Variants in ZFYVE9 observed in about 807,000 individuals in gnomAD.
ZFYVE9 encodes zinc finger FYVE domain-containing protein 9.
ZFYVE9 carries 43 observed loss-of-function variants against 126.7 expected under a neutral mutation model. That is an observed-to-expected ratio of 0.34 (90% CI 0.27 to 0.44). The LOEUF is 0.44. Among genes scored for constraint, ZFYVE9 ranks in the 20% least tolerant of loss-of-function variants. ZFYVE9 has a pLI of 1.00. For synonymous variants in ZFYVE9, 521 were observed against 597.4 expected (o/e 0.87, Z 1.87); for missense variants, 1,476 against 1,697.0 (o/e 0.87, Z 2.29).
chr1:52,294,908 A>G (rs930158029), intron 11 of ZFYVE9, among the ~76,000 whole-genome samples: 19 of 152,252 alleles, frequency 1.2e-4, no homozygotes, highest in African/African-American at 4.6e-4. Context: ...GAGGTATAGA[A>G]GAATGAACTC....
intron 1 of ZFYVE9, among the ~76,000 whole-genome samples, chr1:52,164,208 A>G (rs952866724): frequency 2.0e-5 from 3 of 149,514 alleles, no homozygotes. Context: ...ATGAGTATAT[A>G]TCTTTTTTGT....
intron 1 of ZFYVE9, among the ~76,000 whole-genome samples, chr1:52,207,667 C>T (rs1644990375): frequency 6.6e-6 from 1 of 152,170 alleles, no homozygotes; most frequent in Non-Finnish European, 1.5e-5. Context: ...AGTTGAACAT[C>T]AGGTTACTTT....
intron 1 of ZFYVE9, among the ~76,000 whole-genome samples, chr1:52,153,666 G>C (rs1644376886): frequency 1.3e-5 from 2 of 152,122 alleles, no homozygotes; most frequent in African/African-American, 4.8e-5. Context: ...CTGCTTTCTA[G>C]TCCTTGGACA....
chr1:52,320,310 T>C (rs1646227455), intron 13 of ZFYVE9, among the ~76,000 whole-genome samples: 1 of 152,112 alleles, frequency 6.6e-6, no homozygotes, highest in Non-Finnish European at 1.5e-5. Flanking sequence ...CCTCAGGTGA[T>C]CCACCTACCT....
Position 52,229,906 on chromosome 1 carries a change from C to T in ZFYVE9, c.-36-3265C>T, listed in dbSNP as rs969795181. Among the ~76,000 whole-genome samples, 5 of 149,640 alleles carry T rather than the reference C, an allele frequency of 3.3e-5. 1 individual carries two copies. The South Asian group carries it at 8.5e-4, about 25-fold the overall frequency. Reference sequence around the variant, plus strand: ...TTTTGGAGACGGAGTCTCGCTCTGTCGCCCAGGCTGGAGTGCAGTGGTGTG... The same window carrying T: ...TTTTGGAGACGGAGTCTCGCTCTGTTGCCCAGGCTGGAGTGCAGTGGTGTG... On this transcript the variant is annotated intron_variant, in intron 2 of 18. Transcript: ENST00000287727.
intron 1 of ZFYVE9, among the ~76,000 whole-genome samples, chr1:52,159,314 C>G (rs887468841): frequency 3.3e-5 from 5 of 152,154 alleles, no homozygotes; most frequent in Non-Finnish European, 7.3e-5. Flanking sequence ...TTAGCTCCTG[C>G]TTTCTTAGTC....
intron 1 of ZFYVE9, among the ~76,000 whole-genome samples, chr1:52,145,966 C>CATTCTT (rs1448624745): frequency 6.6e-6 from 1 of 151,532 alleles, no homozygotes; most frequent in Non-Finnish European, 1.5e-5. Flanking sequence ...TATAGAGCAA[C>CATTCTT]ATTCTTAGTA....
At chr1:52,149,695 A>T (rs1040036717) in intron 1 of ZFYVE9, among the ~76,000 whole-genome samples, 1 of 152,114 alleles carries the variant, frequency 6.6e-6, no homozygotes, top group African/African-American at 2.4e-5. Flanking sequence ...GGGTTTCACT[A>T]TCTTGGCCAG....
intron 2 of ZFYVE9, among the ~76,000 whole-genome samples, chr1:52,223,943 G>C (rs892976799): frequency 6.6e-6 from 1 of 152,146 alleles, no homozygotes; most frequent in Non-Finnish European, 1.5e-5. Context: ...CATTAATTCA[G>C]CCCAAGTGTA....
At chr1:52,332,098 T>C (rs1646347927) in intron 13 of ZFYVE9, among the ~76,000 whole-genome samples, 1 of 152,000 alleles carries the variant, frequency 6.6e-6, no homozygotes, top group Non-Finnish European at 1.5e-5. Flanking sequence ...TTTATAGAAA[T>C]AAATAACAAC....
chr1:52,313,366 G>A (rs1646155341), intron 13 of ZFYVE9, among the ~76,000 whole-genome samples: 2 of 152,192 alleles, frequency 1.3e-5, no homozygotes. Context: ...AGGCCATAGA[G>A]CGGGTAGGGG....
At chr1:52,180,975 CAAAAAA>C (rs746468501) in intron 1 of ZFYVE9, among the ~76,000 whole-genome samples, 1 of 53,304 alleles carries the variant, frequency 1.9e-5, no homozygotes, top group East Asian at 6.3e-4. Flanking sequence ...AACTCCGTCT[CAAAAAA>C]AAAAAAAAAA....
chr1:52,252,249 T>A, intron 4 of ZFYVE9: 1 of 155,710 alleles, frequency 6.4e-6, no homozygotes. Flanking sequence ...GGTTCAAACA[T>A]ACCTCTGTAA....
chr1:52,269,002 G>A (rs939124426), intron 7 of ZFYVE9, among the ~76,000 whole-genome samples: 57 of 152,176 alleles, frequency 3.7e-4, no homozygotes, highest in African/African-American at 1.4e-3. Flanking sequence ...AACATGAAAG[G>A]GCCTGAGGAG....
At chr1:52,281,886 A>T in intron 10 of ZFYVE9, 70 bp downstream of exon 10, 1 of 1,567,512 alleles carries the variant, frequency 6.4e-7, no homozygotes, top group East Asian at 2.2e-5. Context: ...CAAATACAAA[A>T]TAATAGTCTT....
chr1:52,203,162 C>T (rs1240524066), intron 1 of ZFYVE9, among the ~76,000 whole-genome samples: 4 of 151,570 alleles, frequency 2.6e-5, no homozygotes, highest in East Asian at 3.9e-4. Flanking sequence ...TTTACTCCTC[C>T]GTAGGTATAG....
intron 2 of ZFYVE9, among the ~76,000 whole-genome samples, chr1:52,229,642 A>G (rs1044080450): frequency 6.6e-6 from 1 of 152,214 alleles, no homozygotes; most frequent in African/African-American, 2.4e-5. Flanking sequence ...ACATTAGCAC[A>G]TCAGGCTCTA....
intron 1 of ZFYVE9, among the ~76,000 whole-genome samples, chr1:52,151,507 A>G (rs956783860): frequency 3.3e-5 from 5 of 149,904 alleles, no homozygotes; most frequent in Non-Finnish European, 1.5e-5. Context: ...GTGTGTGTGT[A>G]TGTGTGTTTT....
chr1:52,239,404 G>A lies in ZFYVE9; in HGVS notation c.1987G>A (p.Ala663Thr). ...EAEISTRPCL[A>T]LAPDSPDNDL... is the part of the protein sequence containing the mutation. Reference sequence around the variant, plus strand: ...TGAGATCTCCACTAGACCATGCCTTGCATTAGCTCCAGATAGCCCAGATAA... The same window carrying A: ...TGAGATCTCCACTAGACCATGCCTTACATTAGCTCCAGATAGCCCAGATAA... Residue 663 changes from alanine to threonine, a missense_variant, in exon 4 of 19, where the codon GCA becomes ACA. Physicochemically the swap from Ala to Thr is moderately conservative, Grantham distance 58. Around this residue, in one of 2 missense-constraint regions of ZFYVE9, gnomAD observed 807 missense variants for 794.6 expected, o/e 1.02. Coordinates refer to ENST00000287727, the MANE Select transcript of ZFYVE9 (RefSeq NM_004799.4). The A allele has an allele frequency of 6.2e-7, 1 of 1,614,150 alleles. No homozygotes were observed. Among genetic ancestry groups the A allele is most frequent in the Non-Finnish European group, 8.5e-7 (1 of 1,180,012 alleles).
Sources: allele counts gnomAD v4.1 joint callset (sites outside exome capture counted in the v4.1 genomes callset), GRCh38; gene constraint gnomAD v4.1.1; regional missense constraint gnomAD v4.1.1; transcripts MANE v1.5; gene names NCBI Gene and HGNC (gene_info 2026-07-23, HGNC 2026-07-21).